BICC1: variants seen among roughly 807,000 people sequenced by gnomAD.
BICC1 encodes protein bicaudal C homolog 1.
In BICC1, 43 loss-of-function variants were observed where a neutral mutation model predicts 111.0. The ratio of observed to expected loss-of-function variants is 0.39; its 90% CI spans 0.30 to 0.50. The LOEUF (loss-of-function observed/expected upper bound fraction) is 0.50, where lower values mean the gene tolerates loss of function less well. BICC1 is among the 20% of genes least tolerant of loss of function. The pLI is 0.88. For missense variants in BICC1, 1,091 were observed against 1,203.2 expected (o/e 0.91, Z 1.38); for synonymous variants, 467 against 434.4 (o/e 1.07, Z -0.93).
At chr10:58,547,871 C>T (rs376110300) in intron 1 of BICC1, among the ~76,000 whole-genome samples, 4 of 152,046 alleles carry the variant, frequency 2.6e-5, no homozygotes, top group African/African-American at 9.7e-5. Context: ...ACAAGATGCT[C>T]ATGCACATCT....
chr10:58,785,142 C>A, intron 4 of BICC1, 62 bp downstream of exon 4: 1 of 957,204 alleles, frequency 1.0e-6, no homozygotes, highest in Non-Finnish European at 1.5e-6. Flanking sequence ...CTACTTCATG[C>A]CGTTATGAAA....
At chr10:58,794,716 G>A (rs780931249) in intron 9 of BICC1, among the ~76,000 whole-genome samples, 38 of 152,136 alleles carry the variant, frequency 2.5e-4, no homozygotes, top group Non-Finnish European at 4.1e-4. Context: ...CACTGTCTCC[G>A]GCTCAGAATA....
intron 3 of BICC1, among the ~76,000 whole-genome samples, chr10:58,778,050 A>G (rs1198696667): frequency 2.0e-5 from 3 of 151,852 alleles, no homozygotes; most frequent in Non-Finnish European, 4.4e-5. Context: ...GAGGCACCCC[A>G]TCTCTACAAA....
At chr10:58,795,328 A>C (rs1022176999) in intron 9 of BICC1, among the ~76,000 whole-genome samples, 7 of 152,222 alleles carry the variant, frequency 4.6e-5, no homozygotes, top group African/African-American at 1.4e-4. Flanking sequence ...ATTCTAAGTG[A>C]ACTTGATATA....
chr10:58,552,888 A>G (rs1194736256), intron 1 of BICC1, among the ~76,000 whole-genome samples: 1 of 152,194 alleles, frequency 6.6e-6, no homozygotes, highest in Non-Finnish European at 1.5e-5. Context: ...CAATGATATT[A>G]AAGTATGTAG....
At chr10:58,641,442 A>T (rs1588961906) in intron 2 of BICC1, among the ~76,000 whole-genome samples, 1 of 150,174 alleles carries the variant, frequency 6.7e-6, no homozygotes. Flanking sequence ...ATTTGGCGCC[A>T]TCTAGGTTGA....
intron 3 of BICC1, among the ~76,000 whole-genome samples, chr10:58,771,296 A>C (rs1842617069): frequency 6.6e-6 from 1 of 152,192 alleles, no homozygotes; most frequent in Non-Finnish European, 1.5e-5. Context: ...AGGCACAAAA[A>C]TTATGAGGAA....
At chr10:58,803,046 G>A (rs748488274) in intron 14 of BICC1, 31 bp from the exon 15 acceptor site, 1 of 1,547,078 alleles carries the variant, frequency 6.5e-7, no homozygotes, top group Admixed American at 2.0e-5. Context: ...ATATATAGTG[G>A]AGTGTTAAAT....
At chr10:58,634,477 T>C (rs1399770056) in intron 2 of BICC1, among the ~76,000 whole-genome samples, 3 of 152,194 alleles carry the variant, frequency 2.0e-5, no homozygotes, top group African/African-American at 7.2e-5. Flanking sequence ...GATTCTGATT[T>C]ATTTGTTCTG....
At chr10:58,745,167 T>A (rs1175164272) in intron 3 of BICC1, among the ~76,000 whole-genome samples, 1 of 152,164 alleles carries the variant, frequency 6.6e-6, no homozygotes, top group African/African-American at 2.4e-5. Context: ...AGGTTATGGC[T>A]GTCCATAAAG....
In BICC1 at chr10:58,710,473, G is replaced by A. The variant is rs551021956; in HGVS notation, c.307+8330G>A. 2.0e-5 allele frequency among the ~76,000 whole-genome samples: 3 copies of A among 152,290 alleles called. No individual in the cohort carries two copies. The Middle Eastern group carries it at 0.01, about 518-fold the overall frequency. ...GAGATTTGAAGGTAGGCTAAGGTTA[G>A]CATTTCTTGTAGACAACACCTCTTT... is the stretch of plus-strand genomic sequence containing the variant. On this transcript the variant is annotated intron_variant, in intron 3 of 20. Transcript: ENST00000373886.
chr10:58,709,818 G>A (rs1383562567), intron 3 of BICC1, among the ~76,000 whole-genome samples: 1 of 152,126 alleles, frequency 6.6e-6, no homozygotes, highest in Non-Finnish European at 1.5e-5. Flanking sequence ...ATGACTGCCT[G>A]CACTAATGAG....
At chr10:58,552,969 A>G (rs1433621867) in intron 1 of BICC1, among the ~76,000 whole-genome samples, 2 of 152,156 alleles carry the variant, frequency 1.3e-5, no homozygotes, top group Non-Finnish European at 2.9e-5. Context: ...AGAAATTTTT[A>G]TTCATCTGCC....
chr10:58,766,720 G>A (rs951467569), intron 3 of BICC1, among the ~76,000 whole-genome samples: 1 of 152,028 alleles, frequency 6.6e-6, no homozygotes, highest in African/African-American at 2.4e-5. Flanking sequence ...AGGTTAAGAA[G>A]AATAGTTTCA....
At chr10:58,809,819 A>G (rs1445304105) in intron 17 of BICC1, among the ~76,000 whole-genome samples, 3 of 152,170 alleles carry the variant, frequency 2.0e-5, no homozygotes, top group Middle Eastern at 3.2e-3. Flanking sequence ...AACTCCTAGT[A>G]AGGAAAGAGG....
Position 58,695,345 on chromosome 10 carries a change from A to G in BICC1, c.238-6729A>G, listed in dbSNP as rs191901573. On this transcript the variant is annotated intron_variant, in intron 2 of 20. Transcript: ENST00000373886. ...GCGAATAGACTACCAGTCCATTATT[A>G]GTCCATGAAATAACTTTAAACAGCC... 8.5e-5 allele frequency among the ~76,000 whole-genome samples: 13 copies of G among 152,302 alleles called. No individual in the cohort carries two copies. In the East Asian group the frequency reaches 2.5e-3, roughly 29 times the overall value.
chr10:58,702,238 A>G, intron 3 of BICC1, 95 bp downstream of exon 3: 1 of 880,318 alleles, frequency 1.1e-6, no homozygotes, highest in Non-Finnish European at 1.8e-6. Context: ...CTTTATTCTT[A>G]ACACTTTTGT....
intron 1 of BICC1, among the ~76,000 whole-genome samples, chr10:58,613,311 G>A (rs1845494303): frequency 6.6e-6 from 1 of 152,150 alleles, no homozygotes; most frequent in South Asian, 2.1e-4. Context: ...GACAGTTTAA[G>A]GAAAACCTGC....
At chr10:58,765,130 T>A (rs998891551) in intron 3 of BICC1, among the ~76,000 whole-genome samples, 2 of 152,206 alleles carry the variant, frequency 1.3e-5, no homozygotes, top group Non-Finnish European at 2.9e-5. Flanking sequence ...TTGCCCAGGC[T>A]GGAGTGCAGT....
Sources: gnomAD v4.1 joint callset for allele counts (sites outside exome capture counted in the v4.1 genomes callset) on GRCh38, gnomAD v4.1.1 for gene constraint, MANE v1.5 for transcripts, NCBI Gene and HGNC (gene_info 2026-07-23, HGNC 2026-07-21) for gene names.